The following UBE2QL1 variants were observed in gnomAD, a reference collection of about 807,000 sequenced individuals.
UBE2QL1 encodes the protein ubiquitin-conjugating enzyme E2Q-like protein 1.
Under a neutral mutation model 12.6 loss-of-function variants are expected in UBE2QL1, and 5 were observed. The ratio of observed to expected loss-of-function variants is 0.40; its 90% confidence interval spans 0.21 to 0.83. The LOEUF is 0.83. UBE2QL1 is among the 40% of genes least tolerant of loss of function. The pLI is 0.37. For missense variants in UBE2QL1, 99 were observed against 222.6 expected (o/e 0.44, Z 3.53); for synonymous variants, 96 against 94.5 (o/e 1.02, Z -0.10).
chr5:6,493,912 A>G lies in UBE2QL1; in HGVS notation c.*2563A>G, dbSNP rs1579306374. The G allele has an allele frequency of 6.6e-6, 1 of 152,230 alleles. No homozygotes were observed. Among genetic ancestry groups the G allele is most frequent in the Non-Finnish European group, 1.5e-5 (1 of 68,082 alleles). 9.4% of individuals were successfully genotyped at this position (152,230 alleles called of 1,614,324 possible). A position where few individuals can be genotyped will look rare whatever the true frequency, so the allele number is the denominator to read the frequency against. The stretch of plus-strand genomic sequence containing the variant: ...AAGTGGACACCTGCCTCTGGAGCCC[A>G]GGGTGAGAAGGAGAGGCCTGAAGCC... On this transcript the variant is annotated 3_prime_UTR_variant, in exon 2 of 2. Coordinates refer to ENST00000399816, the MANE Select transcript of UBE2QL1 (RefSeq NM_001145161.3).
chr5:6,487,625 A>C (rs1012411154), intron 1 of UBE2QL1, among the ~76,000 whole-genome samples: 9 of 152,246 alleles, frequency 5.9e-5, no homozygotes, highest in Non-Finnish European at 1.2e-4. Context: ...TTTGATTATT[A>C]GTTAAATAGA....
rs534750811 is a variant in UBE2QL1, at chr5:6,481,740, A to T, written c.355-9478A>T. Among the ~76,000 whole-genome samples the T allele has an allele frequency of 6.6e-6, 1 of 152,066 alleles. No homozygotes were observed. Among genetic ancestry groups the T allele is most frequent in the Non-Finnish European group, 1.5e-5 (1 of 68,006 alleles). On this transcript the variant is annotated intron_variant, in intron 1 of 1. Coordinates refer to ENST00000399816, the MANE Select transcript of UBE2QL1 (RefSeq NM_001145161.3). The surrounding 1 kb of genome is among the most constrained non-coding windows in gnomAD (Gnocchi z 4.5). ...GAGTGGCCTCTGCCAGGCCCTCGCC[A>T]TCTTCTCTGGACCATGACAATAACC...
At chr5:6,485,671 A>G (rs1347686308) in intron 1 of UBE2QL1, among the ~76,000 whole-genome samples, 2 of 152,222 alleles carry the variant, frequency 1.3e-5, no homozygotes, top group Non-Finnish European at 2.9e-5. Context: ...GGCTCAGGAA[A>G]TGAGTGCAGG....
In UBE2QL1 at chr5:6,496,457, A is replaced by G. The variant is rs184882870; in HGVS notation, c.*5108A>G. 6.6e-6 allele frequency among the ~76,000 whole-genome samples: 1 copy of G among 152,272 alleles called. No individual in the cohort carries two copies. The highest frequency in any genetic ancestry group is 6.5e-5 in the Admixed American group (1 of 15,292). On this transcript the variant is annotated 3_prime_UTR_variant, in exon 2 of 2. Coordinates refer to ENST00000399816, the MANE Select transcript of UBE2QL1 (RefSeq NM_001145161.3). ...ACAGTGCTAGGATGCTGATCTGTACACCATGAGTGACTGCGAACTTTCAGA... is the reference window on the plus strand; with the variant it reads ...ACAGTGCTAGGATGCTGATCTGTACGCCATGAGTGACTGCGAACTTTCAGA...
At chr5:6,464,392 A>T (rs1739739855) in intron 1 of UBE2QL1, among the ~76,000 whole-genome samples, 1 of 152,240 alleles carries the variant, frequency 6.6e-6, no homozygotes, top group Non-Finnish European at 1.5e-5. Context: ...GTCGAAAAGG[A>T]ACGGGAAATA....
chr5:6,486,488 A>G (rs557900742), intron 1 of UBE2QL1, among the ~76,000 whole-genome samples: 1 of 152,302 alleles, frequency 6.6e-6, no homozygotes, highest in African/African-American at 2.4e-5. Context: ...GGCTTAGCTT[A>G]CGTTATTGTC....
In UBE2QL1 at chr5:6,491,958, T is replaced by C. The variant is rs935088612; in HGVS notation, c.*609T>C. 3.3e-5 allele frequency: 5 copies of C among 152,306 alleles called. No homozygotes were observed. The highest frequency in any genetic ancestry group is 1.2e-4 in the African/African-American group (5 of 41,460). The allele number at this position is 152,306 out of a possible 1,614,324, so 9.4% of individuals were successfully genotyped here. On this transcript the variant is annotated 3_prime_UTR_variant, in exon 2 of 2. Coordinates refer to ENST00000399816, the MANE Select transcript of UBE2QL1 (RefSeq NM_001145161.3). ...TTAACATTGCCAGGTTCTAGTGATT[T>C]AAAACCACAACTGCCCACTTGGTGA...
chr5:6,459,475 C>A (rs1739604900), intron 1 of UBE2QL1, among the ~76,000 whole-genome samples: 2 of 152,158 alleles, frequency 1.3e-5, no homozygotes, highest in African/African-American at 4.8e-5. Flanking sequence ...CTGCCCCAAA[C>A]CCCTCGAAGC....
chr5:6,479,194 A>G lies in UBE2QL1; in HGVS notation c.355-12024A>G, dbSNP rs929682181. On this transcript the variant is annotated intron_variant, in intron 1 of 1. Coordinates refer to ENST00000399816, the MANE Select transcript of UBE2QL1 (RefSeq NM_001145161.3). This position sits in a 1 kb window ranked among gnomAD's most constrained non-coding sequence, Gnocchi z 4.2. ...GCCGGAACAAGAGGGCGAAAGTGAG[A>G]ATTAAGCCACCGAGAATGGGTGGGC... 6.6e-6 allele frequency among the ~76,000 whole-genome samples: 1 copy of G among 151,800 alleles called. No individual in the cohort carries two copies. The highest frequency in any genetic ancestry group is 1.5e-5 in the Non-Finnish European group (1 of 67,940).
chr5:6,451,562 A>G (rs1193163781), intron 1 of UBE2QL1, among the ~76,000 whole-genome samples: 1 of 152,240 alleles, frequency 6.6e-6, no homozygotes, highest in Non-Finnish European at 1.5e-5. Context: ...TATGTTGTCT[A>G]TTCCACATCT....
intron 1 of UBE2QL1, among the ~76,000 whole-genome samples, chr5:6,484,665 C>A (rs568155831): frequency 6.6e-6 from 1 of 152,088 alleles, no homozygotes; most frequent in African/African-American, 2.4e-5. Flanking sequence ...AGCAGTCTCC[C>A]GGGTTGCACT....
intron 1 of UBE2QL1, among the ~76,000 whole-genome samples, chr5:6,464,213 T>C (rs908626153): frequency 6.6e-6 from 1 of 152,192 alleles, no homozygotes; most frequent in South Asian, 2.1e-4. Context: ...TTTTGAGCTG[T>C]TGAGTGATGT....
At chr5:6,454,699 G>A (rs953431037) in intron 1 of UBE2QL1, among the ~76,000 whole-genome samples, 6 of 152,142 alleles carry the variant, frequency 3.9e-5, no homozygotes, top group Admixed American at 6.5e-5. Context: ...CTGCACACCC[G>A]GAGGGAAGCT....
intron 1 of UBE2QL1, among the ~76,000 whole-genome samples, chr5:6,466,518 A>C (rs540891907): frequency 6.6e-6 from 1 of 152,206 alleles, no homozygotes; most frequent in Non-Finnish European, 1.5e-5. Context: ...GGGCAGCAAC[A>C]TGGGGCCTGC....
At chr5:6,475,544 G>A (rs951769193) in intron 1 of UBE2QL1, among the ~76,000 whole-genome samples, 4 of 152,212 alleles carry the variant, frequency 2.6e-5, no homozygotes, top group South Asian at 2.1e-4. Flanking sequence ...GAATGATACT[G>A]TATGGCCCTG....
intron 1 of UBE2QL1, among the ~76,000 whole-genome samples, chr5:6,454,308 G>A (rs1739472700): frequency 6.6e-6 from 1 of 152,174 alleles, no homozygotes; most frequent in Admixed American, 6.5e-5. Flanking sequence ...TGCTTGGCTT[G>A]TAGATGCTGT....
intron 1 of UBE2QL1, among the ~76,000 whole-genome samples, chr5:6,456,539 G>C (rs546685028): frequency 1.3e-5 from 2 of 152,350 alleles, no homozygotes; most frequent in East Asian, 1.9e-4. Flanking sequence ...TTCCTACTCA[G>C]TAAGTCGGCA....
intron 1 of UBE2QL1, among the ~76,000 whole-genome samples, chr5:6,486,894 A>C (rs914861677): frequency 6.6e-6 from 1 of 152,202 alleles, no homozygotes. Context: ...ACTTCCTTCC[A>C]TGCAGGTATA....
rs531451059 is a variant in UBE2QL1, at chr5:6,492,982, G to A, written c.*1633G>A. 2.0e-5 allele frequency: 3 copies of A among 152,374 alleles called. No homozygotes were observed. Among genetic ancestry groups the A allele is most frequent in the Admixed American group, 6.5e-5 (1 of 15,304 alleles). 9.4% of individuals were successfully genotyped at this position (152,374 alleles called of 1,614,324 possible). ...CTTGCCTCAAAGAACAAGGATTGGCGCCTTTCAGCAGGGCTGCCCATTCAC... is the reference window on the plus strand; with the variant it reads ...CTTGCCTCAAAGAACAAGGATTGGCACCTTTCAGCAGGGCTGCCCATTCAC... On this transcript the variant is annotated 3_prime_UTR_variant, in exon 2 of 2. Transcript: ENST00000399816.
Sources: allele counts gnomAD v4.1 joint callset (sites outside exome capture counted in the v4.1 genomes callset), GRCh38; gene constraint gnomAD v4.1.1; non-coding constraint Gnocchi (gnomAD v3.1); transcripts MANE v1.5; gene names NCBI Gene and HGNC (gene_info 2026-07-23, HGNC 2026-07-21).